The following CEP350 variants were observed in gnomAD, a reference collection of about 807,000 sequenced individuals.
CEP350 encodes centrosome-associated protein 350.
CEP350 carries 126 observed loss-of-function variants against 331.8 expected under a neutral mutation model. The observed-to-expected ratio is 0.38, with a 90% CI of 0.33 to 0.44. The LOEUF is 0.44. CEP350 is among the 20% of genes least tolerant of loss of function. The pLI is 1.00. For synonymous variants in CEP350, 1,200 were observed against 1,259.5 expected, an observed-to-expected ratio of 0.95 and a Z score of 1.00; for missense variants, 3,406 against 3,634.6, an observed-to-expected ratio of 0.94 and a Z score of 1.62.
chr1:179,955,148 C>T lies in CEP350; in HGVS notation c.-14+6C>T. 1 of 1,450,268 alleles carries T rather than the reference C, an allele frequency of 6.9e-7. No homozygotes were observed. Among genetic ancestry groups the T allele is most frequent in the Admixed American group, 2.2e-5 (1 of 44,584 alleles). The allele number at this position is 1,450,268 out of a possible 1,614,324, so 89.8% of individuals were successfully genotyped here. A position where few individuals can be genotyped will look rare whatever the true frequency, so the allele number is the denominator to read the frequency against. ...GGCGGAGGCGACACTCTCAGGTGAG[C>T]TCCTGTAGGACCTGGCTGGGACCGC... On this transcript the variant is annotated splice_donor_region_variant and intron_variant, in intron 1 of 37. Transcript: ENST00000367607.
intron 8 of CEP350, among the ~76,000 whole-genome samples, chr1:180,007,417 T>C (rs1233800383): frequency 2.0e-5 from 3 of 152,178 alleles, no homozygotes; most frequent in Non-Finnish European, 4.4e-5. Context: ...TTTTGAGAAG[T>C]GTCTGTTCAT....
chr1:180,095,916 A>T lies in CEP350; in HGVS notation c.8905A>T (p.Arg2969Trp). 6.3e-7 allele frequency: 1 copy of T among 1,598,554 alleles called. No individual in the cohort carries two copies. The highest frequency in any genetic ancestry group is 1.1e-5 in the South Asian group (1 of 88,956). ...TCTAGATATAGAAAGCACTAGTAAA[A>T]GGGTCTACAAACAGGTAGGTGAAAT... ...KGLDIESTSK[R>W]VYKQAVFDLT... is the part of the protein sequence containing the mutation. Residue 2969 changes from arginine (R) to tryptophan (W), a missense_variant, in exon 35 of 38, where the codon AGG (arginine) becomes TGG (tryptophan). Coordinates refer to ENST00000367607, the MANE Select transcript of CEP350 (RefSeq NM_014810.5).
chr1:180,062,122 T>C, intron 25 of CEP350, 98 bp from the exon 26 acceptor site: 1 of 1,091,166 alleles, frequency 9.2e-7, no homozygotes, highest in Non-Finnish European at 1.2e-6. Context: ...ATACTATATG[T>C]ATTTATTTTT....
intron 8 of CEP350, among the ~76,000 whole-genome samples, chr1:180,008,495 G>A (rs568540583): frequency 6.6e-6 from 1 of 152,214 alleles, no homozygotes; most frequent in Admixed American, 6.5e-5. Flanking sequence ...TGGCTATATT[G>A]AAAATGGCTA....
At chr1:180,073,375 G>A (rs369596440) in intron 27 of CEP350, among the ~76,000 whole-genome samples, 1 of 152,150 alleles carries the variant, frequency 6.6e-6, no homozygotes. Context: ...ATGAGGTACA[G>A]ATTAAAAATC....
At chr1:180,052,278 A>T (rs1657558456) in intron 22 of CEP350, 4 of 450,490 alleles carry the variant, frequency 8.9e-6, no homozygotes, top group South Asian at 6.2e-5. Flanking sequence ...GCCTCAAGGG[A>T]TCCTCCCACC....
intron 36 of CEP350, among the ~76,000 whole-genome samples, chr1:180,098,258 C>T (rs190859800): frequency 1.8e-4 from 28 of 152,278 alleles, no homozygotes; most frequent in East Asian, 5.8e-4. Context: ...CGTGAGCCAC[C>T]GCACCCAGCA....
intron 13 of CEP350, 23 bp downstream of exon 13, chr1:180,022,871 A>T: frequency 6.4e-7 from 1 of 1,557,220 alleles, no homozygotes; most frequent in Non-Finnish European, 8.7e-7. Context: ...GGCAATATGG[A>T]ATAAACTCTG....
chr1:180,038,897 T>C (rs1656554412), intron 17 of CEP350, among the ~76,000 whole-genome samples: 1 of 152,168 alleles, frequency 6.6e-6, no homozygotes, highest in African/African-American at 2.4e-5. Flanking sequence ...TTCTTTCTTT[T>C]GTGGTAGAAC....
intron 19 of CEP350, 55 bp downstream of exon 19, chr1:180,041,857 A>G (rs922055343): frequency 1.2e-5 from 18 of 1,511,524 alleles, no homozygotes; most frequent in Middle Eastern, 3.4e-4. Context: ...AATCTGAGTA[A>G]CTTTGATCTT....
chr1:180,023,380 T>C (rs1386115856), intron 13 of CEP350, among the ~76,000 whole-genome samples: 3 of 152,154 alleles, frequency 2.0e-5, no homozygotes, highest in Admixed American at 6.5e-5. Flanking sequence ...TATTGGAGTA[T>C]TGGGAAATTA....
chr1:179,963,813 CTTTT>C (rs1650805879), intron 1 of CEP350, among the ~76,000 whole-genome samples: 1 of 151,834 alleles, frequency 6.6e-6, no homozygotes, highest in Non-Finnish European at 1.5e-5. Context: ...TATTCAGGCT[CTTTT>C]TTGGTTCCAT....
intron 25 of CEP350, among the ~76,000 whole-genome samples, chr1:180,056,441 CTCT>C (rs747832990): frequency 1.4e-5 from 2 of 143,566 alleles, no homozygotes; most frequent in Non-Finnish European, 3.0e-5. Context: ...CAGAAACTCT[CTCT>C]TCATGTATTG....
intron 1 of CEP350, among the ~76,000 whole-genome samples, chr1:179,978,026 A>G (rs12120822): frequency 0.078 from 11,812 of 151,794 alleles, 660 homozygotes; most frequent in African/African-American, 0.16. Context: ...AGCACACTCT[A>G]TAATAACAAT....
intron 7 of CEP350, among the ~76,000 whole-genome samples, chr1:180,003,909 C>A (rs551751363): frequency 8.0e-4 from 121 of 152,188 alleles, no homozygotes; most frequent in African/African-American, 2.8e-3. Flanking sequence ...AGCCAAGATT[C>A]AAAACCCACT....
intron 24 of CEP350, 60 bp from the exon 25 acceptor site, chr1:180,054,355 A>G (rs912550733): frequency 1.1e-5 from 15 of 1,341,818 alleles, no homozygotes; most frequent in Admixed American, 1.0e-4. Flanking sequence ...AATTCTTGAC[A>G]TTATTCAGGT....
rs561318483 is a variant in CEP350, at chr1:180,006,109, T to C, written c.1133-345T>C. ...GAAATTTCTAAATGAAATAGGAATC[T>C]GTGAGAGTGCTCACCTCTGAGATCC... On this transcript the variant is annotated intron_variant, in intron 7 of 37. Coordinates refer to ENST00000367607, the MANE Select transcript of CEP350 (RefSeq NM_014810.5). Among the ~76,000 whole-genome samples, 6 of 152,324 alleles carry C rather than the reference T, an allele frequency of 3.9e-5. No homozygotes were observed. In the East Asian group the frequency reaches 1.2e-3, roughly 29 times the overall value.
intron 37 of CEP350, among the ~76,000 whole-genome samples, chr1:180,107,331 T>C (rs748868520): frequency 6.6e-6 from 1 of 152,158 alleles, no homozygotes; most frequent in Non-Finnish European, 1.5e-5. Flanking sequence ...ACTCCGAGTC[T>C]TTGAGGCAGA....
In CEP350 at chr1:180,114,245, G is replaced by A. The variant is rs975670408; in HGVS notation, c.*3084G>A. On this transcript the variant is annotated 3_prime_UTR_variant, in exon 38 of 38. Coordinates refer to ENST00000367607, the MANE Select transcript of CEP350 (RefSeq NM_014810.5). ...CAATACTTGAATAAAGTGTGTACTC[G>A]CAAAAGAATTTCTGTAGCACAGCAT... The A allele has an allele frequency of 6.6e-6, 1 of 152,246 alleles. No individual in the cohort carries two copies. The highest frequency in any genetic ancestry group is 1.5e-5 in the Non-Finnish European group (1 of 67,936). The allele number at this position is 152,246 out of a possible 1,614,324, so 9.4% of individuals were successfully genotyped here. A position where few individuals can be genotyped will look rare whatever the true frequency, so the allele number is the denominator to read the frequency against.
Sources: gnomAD v4.1 joint callset for allele counts (sites outside exome capture counted in the v4.1 genomes callset) on GRCh38, gnomAD v4.1.1 for gene constraint, MANE v1.5 for transcripts, NCBI Gene and HGNC (gene_info 2026-07-23, HGNC 2026-07-21) for gene names.